The following SECISBP2L variants were observed in gnomAD, a reference collection of about 807,000 sequenced individuals.
SECISBP2L encodes selenocysteine insertion sequence-binding protein 2-like.
SECISBP2L carries 43 observed loss-of-function variants against 114.7 expected under a neutral mutation model. That is an observed-to-expected ratio of 0.38 (90% confidence interval 0.29 to 0.48). SECISBP2L has a LOEUF of 0.48. Ranked by LOEUF, SECISBP2L falls within the 20% of genes least tolerant of loss-of-function variation. SECISBP2L has a pLI of 0.98. For synonymous variants in SECISBP2L, 451 were observed against 439.7 expected, an observed-to-expected ratio of 1.03 and a Z score of -0.32; for missense variants, 1,136 against 1,301.1, an observed-to-expected ratio of 0.87 and a Z score of 1.95.
At chr15:48,993,795 T>C (rs1364006411) in intron 17 of SECISBP2L, among the ~76,000 whole-genome samples, 3 of 152,056 alleles carry the variant, frequency 2.0e-5, no homozygotes, top group Non-Finnish European at 4.4e-5. Context: ...AGGAAATCAG[T>C]TGAAGGCAAA....
chr15:49,010,433 A>G (rs1296649189), intron 13 of SECISBP2L, among the ~76,000 whole-genome samples: 8 of 152,124 alleles, frequency 5.3e-5, no homozygotes, highest in Non-Finnish European at 1.0e-4. Context: ...CTAAACAGCT[A>G]AACTCAGGAA....
chr15:49,040,776 G>T lies in SECISBP2L; in HGVS notation c.25-3007C>A, dbSNP rs1259771879. Among the ~76,000 whole-genome samples, 4 of 151,228 alleles carry T rather than the reference G, an allele frequency of 2.6e-5. No individual in the cohort carries two copies. In the East Asian group the frequency reaches 7.7e-4, roughly 29 times the overall value. On this transcript the variant is annotated intron_variant, in intron 1 of 17. Transcript: ENST00000559471. ...GATGGTCTCGATCTCCTGACCTCGT[G>T]ATCCGCCCGCCTCGGCCTCCCAAAG...
Position 48,992,685 on chromosome 15 carries a change from T to C in SECISBP2L, c.2865A>G (p.Ser955=). 6.2e-7 allele frequency: 1 copy of C among 1,614,230 alleles called. No homozygotes were observed. The highest frequency in any genetic ancestry group is 1.3e-5 in the African/African-American group (1 of 75,058). The change falls in exon 18 of 18, where the codon TCA becomes TCG. Residue 955 remains serine (S), a synonymous_variant. Transcript: ENST00000559471. ...AAGAGCCAGTCTCTGTACTCTGCTG[T>C]GAGGCCCATTCCAGGTCATCTGGCT... ...EVKPDDLEWA[S]QQSTETGSLD...
Position 49,028,170 on chromosome 15 carries a change from T to TA in SECISBP2L, c.895-3dup. 6.3e-7 allele frequency: 1 copy of TA among 1,575,046 alleles called. No individual in the cohort carries two copies. The highest frequency in any genetic ancestry group is 8.6e-7 in the Non-Finnish European group (1 of 1,160,514). The stretch of plus-strand genomic sequence containing the variant: ...TGCACACATAGATGATTCCACATGC[T>TA]AAAAAAAGAAACAAAAAGACAATTA... On this transcript the variant is annotated splice_polypyrimidine_tract_variant and splice_region_variant and intron_variant, in intron 5 of 17. Transcript: ENST00000559471.
intron 1 of SECISBP2L, among the ~76,000 whole-genome samples, chr15:49,045,861 A>C (rs1159852302): frequency 6.6e-6 from 1 of 152,204 alleles, no homozygotes; most frequent in Non-Finnish European, 1.5e-5. Context: ...ATCTGTAGTT[A>C]CCACACATTC....
At chr15:49,008,362 C>A (rs1902366004) in intron 14 of SECISBP2L, among the ~76,000 whole-genome samples, 1 of 152,120 alleles carries the variant, frequency 6.6e-6, no homozygotes, top group African/African-American at 2.4e-5. Flanking sequence ...CAAAGTGTGC[C>A]AAATTGAAGA....
At chr15:48,996,177 G>A (rs1174874074) in intron 17 of SECISBP2L, among the ~76,000 whole-genome samples, 190 bp downstream of exon 17, 2 of 152,114 alleles carry the variant, frequency 1.3e-5, no homozygotes, top group Non-Finnish European at 2.9e-5. Context: ...AAATTCTGGG[G>A]TCTCATAAGA....
chr15:49,001,110 A>AG lies in SECISBP2L; in HGVS notation c.2028-14_2028-13insC. The AG allele has an allele frequency of 1.1e-5, 17 of 1,565,682 alleles. No individual in the cohort carries two copies. The highest frequency in any genetic ancestry group is 1.5e-5 in the Non-Finnish European group (17 of 1,153,670). On this transcript the variant is annotated splice_polypyrimidine_tract_variant and intron_variant, in intron 14 of 17. Transcript: ENST00000559471. The stretch of plus-strand genomic sequence containing the variant: ...CTGATTACAATACCTGTAAAAAAAA[A>AG]CCAAAATGGGTAACTCCATCCTAAT...
At chr15:49,028,078 A>C in intron 6 of SECISBP2L, 66 bp downstream of exon 6, 1 of 1,424,202 alleles carries the variant, frequency 7.0e-7, no homozygotes, top group Non-Finnish European at 9.6e-7. Context: ...CCTCATGCTT[A>C]AAAGGAAAAC....
chr15:48,995,968 T>A (rs1458422258), intron 17 of SECISBP2L: 1 of 167,840 alleles, frequency 6.0e-6, no homozygotes, highest in Non-Finnish European at 1.3e-5. Flanking sequence ...AACAAAGAGA[T>A]TGATCTATAA....
chr15:48,994,854 A>C (rs557733178), intron 17 of SECISBP2L, among the ~76,000 whole-genome samples: 1 of 152,004 alleles, frequency 6.6e-6, no homozygotes, highest in South Asian at 2.1e-4. Context: ...AAAAAAAAAA[A>C]AAAAACAGTC....
chr15:49,040,895 A>G (rs953125668), intron 1 of SECISBP2L, among the ~76,000 whole-genome samples: 3 of 152,138 alleles, frequency 2.0e-5, no homozygotes, highest in African/African-American at 7.2e-5. Context: ...AACATGTTAA[A>G]TAAATAACAA....
intron 1 of SECISBP2L, among the ~76,000 whole-genome samples, chr15:49,040,330 A>G (rs1431384481): frequency 6.6e-6 from 1 of 152,066 alleles, no homozygotes; most frequent in African/African-American, 2.4e-5. Flanking sequence ...AGAGAGAGAG[A>G]AGCTGCTATA....
At chr15:49,040,612 T>C (rs1161817001) in intron 1 of SECISBP2L, among the ~76,000 whole-genome samples, 1 of 130,766 alleles carries the variant, frequency 7.6e-6, no homozygotes, top group Admixed American at 9.1e-5. Context: ...CTCGGCTCAC[T>C]GCAAGCTCCG....
chr15:49,028,753 T>C (rs1236535139), intron 4 of SECISBP2L, 71 bp from the exon 5 acceptor site: 14 of 1,257,702 alleles, frequency 1.1e-5, no homozygotes, highest in Non-Finnish European at 1.5e-5. Context: ...AAATCATCAT[T>C]AAGATTGTAA....
At position 49,013,019 on chromosome 15, in the gene SECISBP2L, C is replaced by T. The variant is rs1902467645; in HGVS notation, c.1562-202G>A. The T allele has an allele frequency of 1.9e-5, 10 of 536,336 alleles. No individual in the cohort carries two copies. In the South Asian group the frequency reaches 2.3e-4, roughly 12 times the overall value. The allele number at this position is 536,336 out of a possible 1,614,324, so 33.2% of individuals were successfully genotyped here. On this transcript the variant is annotated intron_variant, in intron 11 of 17. Coordinates refer to ENST00000559471, the MANE Select transcript of SECISBP2L (RefSeq NM_001193489.2). ...TTAGAGACTAAGCCAATGCAATTAACCAATTTAGAAGTCCATTATAGGGGT... is the reference window on the plus strand; with the variant it reads ...TTAGAGACTAAGCCAATGCAATTAATCAATTTAGAAGTCCATTATAGGGGT...
At chr15:49,016,411 T>C in intron 11 of SECISBP2L, 149 bp downstream of exon 11, 1 of 631,912 alleles carries the variant, frequency 1.6e-6, no homozygotes, top group East Asian at 3.2e-5. Context: ...TGACTTAAAA[T>C]ACACACACAC....
At chr15:49,018,754 T>C (rs1037302153) in intron 8 of SECISBP2L, among the ~76,000 whole-genome samples, 1 of 152,184 alleles carries the variant, frequency 6.6e-6, no homozygotes, top group South Asian at 2.1e-4. Flanking sequence ...TTTCAAATGT[T>C]ACCTACCCTG....
chr15:49,008,134 T>A (rs547107754), intron 14 of SECISBP2L, among the ~76,000 whole-genome samples: 7 of 152,192 alleles, frequency 4.6e-5, no homozygotes, highest in Non-Finnish European at 1.5e-5. Context: ...AGGTACTTAA[T>A]AGGGAGAATT....
Sources: allele counts gnomAD v4.1 joint callset (sites outside exome capture counted in the v4.1 genomes callset), GRCh38; gene constraint gnomAD v4.1.1; transcripts MANE v1.5; gene names NCBI Gene and HGNC (gene_info 2026-07-23, HGNC 2026-07-21).